SEC24A: variants seen among roughly 807,000 people sequenced by gnomAD.
SEC24A encodes the protein protein transport protein Sec24A.
In SEC24A, 93 loss-of-function variants were observed where a neutral mutation model predicts 129.4. The ratio of observed to expected loss-of-function variants is 0.72; its 90% CI spans 0.61 to 0.85. The LOEUF is 0.85. Among genes scored for constraint, SEC24A ranks in the 40% least tolerant of loss-of-function variants. The pLI, the probability that SEC24A is intolerant of heterozygous loss-of-function variation, is 0.00. For synonymous variants in SEC24A, 460 were observed against 467.3 expected, an observed-to-expected ratio of 0.98 and a Z score of 0.20; for missense variants, 1,264 against 1,307.4, an observed-to-expected ratio of 0.97 and a Z score of 0.51.
chr5:134,675,274 G>A, intron 6 of SEC24A, 57 bp downstream of exon 6: 2 of 1,337,290 alleles, frequency 1.5e-6, no homozygotes, highest in South Asian at 2.7e-5. Context: ...CTTTTTGCAG[G>A]GGGCACATCA....
In SEC24A at chr5:134,726,745, G is replaced by A. The variant is rs941540804; in HGVS notation, c.*1651G>A. ...TATCCCCTCTTTTAAAGAAACAGTC[G>A]TTATATGCTGATGTTTCTTAAAATA... On this transcript the variant is annotated 3_prime_UTR_variant, in exon 23 of 23. Coordinates refer to ENST00000398844, the MANE Select transcript of SEC24A (RefSeq NM_021982.3). 3.9e-5 allele frequency: 6 copies of A among 152,152 alleles called. No homozygotes were observed. Among genetic ancestry groups the A allele is most frequent in the South Asian group, 4.1e-4 (2 of 4,820 alleles). The allele number at this position is 152,152 out of a possible 1,614,324, so 9.4% of individuals were successfully genotyped here.
intron 11 of SEC24A, among the ~76,000 whole-genome samples, chr5:134,689,041 A>G (rs1226534109): frequency 6.6e-6 from 1 of 152,158 alleles, no homozygotes; most frequent in Non-Finnish European, 1.5e-5. Context: ...CAGTTTTTTC[A>G]ACAAATAGTT....
At chr5:134,690,440 A>G (rs1028614542) in intron 11 of SEC24A, among the ~76,000 whole-genome samples, 1 of 152,132 alleles carries the variant, frequency 6.6e-6, no homozygotes, top group Non-Finnish European at 1.5e-5. Context: ...CGGCTTTTCA[A>G]GTAGCTGGAA....
At chr5:134,687,274 A>G (rs1046656786) in intron 10 of SEC24A, among the ~76,000 whole-genome samples, 1 of 152,222 alleles carries the variant, frequency 6.6e-6, no homozygotes, top group Non-Finnish European at 1.5e-5. Flanking sequence ...ATACCTAACT[A>G]TAATACTAAA....
intron 16 of SEC24A, among the ~76,000 whole-genome samples, chr5:134,704,773 T>C (rs1752101738): frequency 6.6e-6 from 1 of 150,968 alleles, no homozygotes; most frequent in African/African-American, 2.4e-5. Flanking sequence ...ACTGCAGTCC[T>C]GCCTGGGCAA....
intron 11 of SEC24A, among the ~76,000 whole-genome samples, chr5:134,692,322 C>T (rs905882001): frequency 1.3e-5 from 2 of 152,168 alleles, no homozygotes; most frequent in African/African-American, 2.4e-5. Flanking sequence ...GCTGGGATTA[C>T]AGGCGTGTAC....
intron 6 of SEC24A, 113 bp from the exon 7 acceptor site, chr5:134,675,910 T>C: frequency 1.5e-6 from 1 of 662,110 alleles, no homozygotes; most frequent in Non-Finnish European, 2.5e-6. Context: ...TATTGAAATA[T>C]TTCATCTGTA....
chr5:134,686,828 T>C lies in SEC24A; in HGVS notation c.1530T>C (p.Phe510=). The change falls in exon 10 of 23, where the codon TTT becomes TTC. Residue 510 remains phenylalanine, a synonymous_variant. Transcript: ENST00000398844. ...PPQPPVYLFV[F]DVSHNAVETG... The stretch of plus-strand genomic sequence containing the variant: ...AGCCTCCAGTGTATCTCTTTGTATT[T>C]GATGTGTCTCACAATGCAGTCGAAA... 6.2e-7 allele frequency: 1 copy of C among 1,610,500 alleles called. No individual in the cohort carries two copies. Among genetic ancestry groups the C allele is most frequent in the Non-Finnish European group, 8.5e-7 (1 of 1,178,510 alleles).
rs1752764985 is a variant in SEC24A at position 134,726,748 on chromosome 5, A to G, written c.*1654A>G. On this transcript the variant is annotated 3_prime_UTR_variant, in exon 23 of 23. Coordinates refer to ENST00000398844, the MANE Select transcript of SEC24A (RefSeq NM_021982.3). ...CCCCTCTTTTAAAGAAACAGTCGTTATATGCTGATGTTTCTTAAAATAACT... is the reference window on the plus strand; with the variant it reads ...CCCCTCTTTTAAAGAAACAGTCGTTGTATGCTGATGTTTCTTAAAATAACT... 6.6e-6 allele frequency: 1 copy of G among 152,158 alleles called. No homozygotes were observed. The highest frequency in any genetic ancestry group is 2.1e-4 in the South Asian group (1 of 4,832). 9.4% of individuals were successfully genotyped at this position (152,158 alleles called of 1,614,324 possible).
At chr5:134,707,893 G>T (rs1382580123) in intron 17 of SEC24A, among the ~76,000 whole-genome samples, 9 of 151,950 alleles carry the variant, frequency 5.9e-5, no homozygotes, top group Admixed American at 3.9e-4. Flanking sequence ...GGCAAATGAT[G>T]AAAATCTGTC....
intron 21 of SEC24A, among the ~76,000 whole-genome samples, chr5:134,723,114 C>T (rs1752668884): frequency 1.3e-5 from 2 of 152,002 alleles, no homozygotes; most frequent in Admixed American, 6.6e-5. Context: ...GCCATGATCA[C>T]ACCAGTGCAC....
intron 15 of SEC24A, 61 bp from the exon 16 acceptor site, chr5:134,703,697 TA>T: frequency 9.0e-7 from 1 of 1,108,740 alleles, no homozygotes; most frequent in South Asian, 1.4e-5. Context: ...GTAACTAGGA[TA>T]AAATGTAAAT....
At chr5:134,653,346 C>T (rs1249228449) in intron 1 of SEC24A, among the ~76,000 whole-genome samples, 1 of 152,162 alleles carries the variant, frequency 6.6e-6, no homozygotes, top group African/African-American at 2.4e-5. Context: ...AACCTCCTGG[C>T]TGAAGTGATC....
chr5:134,717,518 A>G (rs1489684482), intron 19 of SEC24A, among the ~76,000 whole-genome samples: 2 of 152,138 alleles, frequency 1.3e-5, no homozygotes, highest in East Asian at 3.9e-4. Context: ...AAAAAGAAAA[A>G]GAAAAAGAAA....
chr5:134,696,233 G>A (rs988996825), intron 13 of SEC24A, among the ~76,000 whole-genome samples: 1 of 151,612 alleles, frequency 6.6e-6, no homozygotes, highest in Non-Finnish European at 1.5e-5. Context: ...TCATGCCATT[G>A]CACACCAGCC....
chr5:134,657,002 TAGGG>T (rs1314077729), intron 1 of SEC24A, among the ~76,000 whole-genome samples: 1 of 151,314 alleles, frequency 6.6e-6, no homozygotes, highest in East Asian at 2.0e-4. Flanking sequence ...CTGGACAACT[TAGGG>T]AGACCCCATC....
At chr5:134,668,723 T>TCA (rs1412372317) in intron 3 of SEC24A, among the ~76,000 whole-genome samples, 1 of 147,456 alleles carries the variant, frequency 6.8e-6, no homozygotes, top group Non-Finnish European at 1.5e-5. Context: ...CAAAACTCCA[T>TCA]CACACACACA....
intron 3 of SEC24A, among the ~76,000 whole-genome samples, chr5:134,670,117 G>A (rs1217941009): frequency 6.6e-6 from 1 of 152,132 alleles, no homozygotes; most frequent in East Asian, 1.9e-4. Flanking sequence ...AGTAGATACA[G>A]GGTTTTCCCA....
intron 21 of SEC24A, 42 bp from the exon 22 acceptor site, chr5:134,723,525 A>G: frequency 8.6e-7 from 1 of 1,159,354 alleles, no homozygotes; most frequent in East Asian, 2.3e-5. Context: ...TACATTAGAT[A>G]TGTAATTAAA....
Sources: allele counts gnomAD v4.1 joint callset (sites outside exome capture counted in the v4.1 genomes callset), GRCh38; gene constraint gnomAD v4.1.1; transcripts MANE v1.5; gene names NCBI Gene and HGNC (gene_info 2026-07-23, HGNC 2026-07-21).